The following PCDH15 variants were observed in gnomAD, a reference collection of about 807,000 sequenced individuals.
PCDH15 encodes the protein protocadherin-15.
PCDH15 carries 129 observed loss-of-function variants against 178.5 expected under a neutral mutation model. The ratio of observed to expected loss-of-function variants is 0.72; its 90% CI spans 0.63 to 0.84. PCDH15 has a LOEUF of 0.84. Ranked by LOEUF, PCDH15 falls within the 40% of genes least tolerant of loss-of-function variation. PCDH15 has a pLI of 0.00. For synonymous variants in PCDH15, 800 were observed against 732.0 expected (o/e 1.09, Z -1.50); for missense variants, 2,230 against 2,099.9 (o/e 1.06, Z -1.21).
chr10:54,676,343 T>A (rs1016573676), intron 1 of PCDH15, among the ~76,000 whole-genome samples: 5 of 152,034 alleles, frequency 3.3e-5, no homozygotes, highest in African/African-American at 1.2e-4. Flanking sequence ...TCAAATTTCA[T>A]CCCTATGTCT....
At chr10:54,703,302 C>A (rs2095331696) in intron 1 of PCDH15, among the ~76,000 whole-genome samples, 1 of 152,000 alleles carries the variant, frequency 6.6e-6, no homozygotes, top group East Asian at 1.9e-4. Flanking sequence ...GAAGTGTCCC[C>A]TGCTGAGAAC....
intron 3 of PCDH15, among the ~76,000 whole-genome samples, chr10:54,866,389 G>A (rs1953943035): frequency 6.6e-6 from 1 of 152,164 alleles, no homozygotes; most frequent in Non-Finnish European, 1.5e-5. Context: ...ATCTGGAACA[G>A]ACAGAGAGTG....
At chr10:53,926,157 C>A (rs943843573) in intron 25 of PCDH15, among the ~76,000 whole-genome samples, 5 of 152,146 alleles carry the variant, frequency 3.3e-5, no homozygotes, top group African/African-American at 1.2e-4. Context: ...CTGGCCCAAT[C>A]CTAGTTCTAG....
chr10:54,839,596 A>T (rs1047664729), intron 3 of PCDH15, among the ~76,000 whole-genome samples: 1 of 152,170 alleles, frequency 6.6e-6, no homozygotes, highest in Non-Finnish European at 1.5e-5. Flanking sequence ...GCATATTTTA[A>T]GAAATAATGA....
At chr10:55,223,850 T>C (rs1009288171) in intron 1 of PCDH15, among the ~76,000 whole-genome samples, 2 of 152,190 alleles carry the variant, frequency 1.3e-5, no homozygotes, top group African/African-American at 4.8e-5. Context: ...TATTAATCCT[T>C]GATAAAGTTT....
At chr10:54,799,346 T>A (rs1403927674) in intron 1 of PCDH15, among the ~76,000 whole-genome samples, 1 of 152,108 alleles carries the variant, frequency 6.6e-6, no homozygotes, top group African/African-American at 2.4e-5. Flanking sequence ...GGACATTTAT[T>A]TTTCACTGGG....
intron 6 of PCDH15, among the ~76,000 whole-genome samples, chr10:54,344,273 T>C (rs1057399207): frequency 6.6e-6 from 1 of 152,170 alleles, no homozygotes; most frequent in African/African-American, 2.4e-5. Context: ...CTTTTTTCAT[T>C]TGTAATTTTG....
At chr10:55,385,720 CAT>C (rs1287215604) in intron 2 of PCDH15, among the ~76,000 whole-genome samples, 1 of 96,536 alleles carries the variant, frequency 1.0e-5, no homozygotes, top group African/African-American at 3.7e-5. Context: ...TATATATATG[CAT>C]ATATATATAC....
intron 15 of PCDH15, among the ~76,000 whole-genome samples, chr10:54,104,849 A>C (rs1433016842): frequency 2.3e-3 from 102 of 45,106 alleles, no homozygotes; most frequent in Middle Eastern, 0.021. Context: ...CAACAACAAA[A>C]AAAAAAAAAA....
intron 16 of PCDH15, among the ~76,000 whole-genome samples, chr10:54,089,155 C>T (rs116224679): frequency 6.6e-6 from 1 of 152,306 alleles, no homozygotes; most frequent in African/African-American, 2.4e-5. Flanking sequence ...TCTGGGAAGA[C>T]TAATTGACCA....
chr10:54,552,202 T>G (rs2086693894), intron 2 of PCDH15, among the ~76,000 whole-genome samples: 1 of 152,152 alleles, frequency 6.6e-6, no homozygotes, highest in African/African-American at 2.4e-5. Context: ...CCTCCCTTCA[T>G]GAATGTACTC....
intron 2 of PCDH15, among the ~76,000 whole-genome samples, chr10:54,986,864 AT>A (rs1218453877): frequency 1.3e-5 from 2 of 152,180 alleles, no homozygotes; most frequent in African/African-American, 4.8e-5. Context: ...TTATCAAGCA[AT>A]AATCTATAAT....
chr10:54,909,613 T>C (rs1351953108), intron 2 of PCDH15, among the ~76,000 whole-genome samples: 1 of 151,680 alleles, frequency 6.6e-6, no homozygotes, highest in African/African-American at 2.4e-5. Context: ...GCCCTCAGAG[T>C]GCAAAGATTC....
At chr10:54,060,273 A>G (rs1225574209) in intron 18 of PCDH15, among the ~76,000 whole-genome samples, 2 of 152,220 alleles carry the variant, frequency 1.3e-5, no homozygotes, top group South Asian at 2.1e-4. Context: ...TCATTTATCA[A>G]CTTAAGATTT....
intron 1 of PCDH15, among the ~76,000 whole-genome samples, chr10:55,191,435 T>C (rs1207645518): frequency 6.6e-6 from 1 of 151,830 alleles, no homozygotes; most frequent in Non-Finnish European, 1.5e-5. Flanking sequence ...TTTTCTAGCA[T>C]AATTTTGTTA....
At chr10:55,186,181 T>C (rs888554483) in intron 1 of PCDH15, among the ~76,000 whole-genome samples, 1 of 151,666 alleles carries the variant, frequency 6.6e-6, no homozygotes, top group Non-Finnish European at 1.5e-5. Flanking sequence ...CTAAATATAA[T>C]GCAAATGATT....
intron 2 of PCDH15, among the ~76,000 whole-genome samples, chr10:55,427,740 C>G (rs1198013383): frequency 6.6e-6 from 1 of 152,152 alleles, no homozygotes; most frequent in African/African-American, 2.4e-5. Flanking sequence ...TAATCTTATT[C>G]TGTCCAAATT....
At chr10:55,413,113 AC>A (rs1419869564) in intron 2 of PCDH15, among the ~76,000 whole-genome samples, 1 of 151,890 alleles carries the variant, frequency 6.6e-6, no homozygotes, top group Non-Finnish European at 1.5e-5. Context: ...ATATGTTAAT[AC>A]CACTATTTAT....
intron 29 of PCDH15, among the ~76,000 whole-genome samples, chr10:53,840,102 A>C (rs1204469289): frequency 6.6e-6 from 1 of 152,202 alleles, no homozygotes. Context: ...TCTGATGCCC[A>C]TAAAGAAAAT....
Sources: gnomAD v4.1 joint callset for allele counts (sites outside exome capture counted in the v4.1 genomes callset) on GRCh38, gnomAD v4.1.1 for gene constraint, MANE v1.5 for transcripts, NCBI Gene and HGNC (gene_info 2026-07-23, HGNC 2026-07-21) for gene names.